The following EEPD1 variants were observed in gnomAD, a reference collection of about 807,000 sequenced individuals.
EEPD1 encodes endonuclease/exonuclease/phosphatase family domain-containing protein 1.
Under a neutral mutation model 46.3 loss-of-function variants are expected in EEPD1, and 17 were observed. The ratio of observed to expected loss-of-function variants is 0.37; its 90% CI spans 0.25 to 0.55. The LOEUF is 0.55. EEPD1 is among the 20% of genes least tolerant of loss of function. EEPD1 has a pLI of 0.83. For missense variants in EEPD1, 673 were observed against 745.6 expected (o/e 0.90, Z 1.13); for synonymous variants, 313 against 315.6 (o/e 0.99, Z 0.09).
intron 2 of EEPD1, among the ~76,000 whole-genome samples, chr7:36,220,592 T>C (rs1455077665): frequency 6.6e-6 from 1 of 152,204 alleles, no homozygotes; most frequent in Non-Finnish European, 1.5e-5. Context: ...GGCACTTTGC[T>C]CTTTCTATTC....
chr7:36,244,347 A>T (rs1786602762), intron 3 of EEPD1, among the ~76,000 whole-genome samples: 2 of 152,212 alleles, frequency 1.3e-5, no homozygotes, highest in Admixed American at 6.5e-5. Flanking sequence ...TTAAATTTGA[A>T]CAATAAAAGA....
chr7:36,217,322 T>C (rs1157407388), intron 2 of EEPD1, among the ~76,000 whole-genome samples: 2 of 152,252 alleles, frequency 1.3e-5, no homozygotes, highest in East Asian at 1.9e-4. Flanking sequence ...TCCTATAAAC[T>C]GTCACTTACA....
intron 2 of EEPD1, among the ~76,000 whole-genome samples, chr7:36,160,529 C>T (rs918507516): frequency 8.7e-5 from 11 of 125,862 alleles, no homozygotes; most frequent in Admixed American, 3.3e-4. Context: ...TCTAGAGTGG[C>T]GGGTGGGTGG....
rs199764578 is a variant in EEPD1, at chr7:36,284,825, C to G, written c.1176+5C>G. 125 of 1,484,614 alleles carry G rather than the reference C, an allele frequency of 8.4e-5. No individual in the cohort carries two copies. In the East Asian group the frequency reaches 3.2e-3, roughly 37 times the overall value. The allele number at this position is 1,484,614 out of a possible 1,614,324, so 92.0% of individuals were successfully genotyped here. On this transcript the variant is annotated splice_donor_5th_base_variant and intron_variant, in intron 5 of 7. Coordinates refer to ENST00000242108, the MANE Select transcript of EEPD1 (RefSeq NM_030636.3). ...CCATACCTCGGGAGGTTCAAGGTACCCGCTCCACGCCGTCTGTGACGTGGA... is the reference window on the plus strand; with the variant it reads ...CCATACCTCGGGAGGTTCAAGGTACGCGCTCCACGCCGTCTGTGACGTGGA...
chr7:36,222,071 G>C (rs1257615024), intron 2 of EEPD1, among the ~76,000 whole-genome samples: 2 of 151,588 alleles, frequency 1.3e-5, no homozygotes, highest in South Asian at 2.1e-4. Flanking sequence ...AACAACATGG[G>C]GGTTAGGGGA....
In EEPD1 at chr7:36,282,761, G is replaced by A. The variant is rs552869524; in HGVS notation, c.1041+1536G>A. Among the ~76,000 whole-genome samples the A allele has an allele frequency of 2.6e-5, 4 of 152,380 alleles. No individual in the cohort carries two copies. The South Asian group carries it at 6.2e-4, about 24-fold the overall frequency. ...AGGCTGGCCGCCTGCAGTGGACTGA[G>A]AGAGCTCATGCCTGGCTCTGGCTGC... On this transcript the variant is annotated intron_variant, in intron 4 of 7. Transcript: ENST00000242108.
At chr7:36,166,443 A>G (rs1371400053) in intron 2 of EEPD1, among the ~76,000 whole-genome samples, 1 of 152,222 alleles carries the variant, frequency 6.6e-6, no homozygotes, top group Non-Finnish European at 1.5e-5. Flanking sequence ...TCAGGAGGCC[A>G]GGAGAAGTGG....
chr7:36,188,319 A>C (rs1346271575), intron 2 of EEPD1, among the ~76,000 whole-genome samples: 1 of 152,158 alleles, frequency 6.6e-6, no homozygotes, highest in Non-Finnish European at 1.5e-5. Context: ...TTGATGATGA[A>C]GCCAGAAATG....
At chr7:36,170,589 T>C (rs1276481902) in intron 2 of EEPD1, among the ~76,000 whole-genome samples, 3 of 146,710 alleles carry the variant, frequency 2.0e-5, no homozygotes, top group Admixed American at 1.4e-4. Context: ...TTTTCAGAGC[T>C]CCCCTCAAGA....
intron 2 of EEPD1, among the ~76,000 whole-genome samples, chr7:36,209,314 C>CA (rs1305269338): frequency 6.6e-6 from 1 of 152,124 alleles, no homozygotes; most frequent in South Asian, 2.1e-4. Context: ...AAAACAAAAA[C>CA]AAAAAAAGTA....
Position 36,199,193 on chromosome 7 carries a change from CAG to C in EEPD1, c.879-39789_879-39788del, listed in dbSNP as rs1310533815. On this transcript the variant is annotated intron_variant, in intron 2 of 7. Coordinates refer to ENST00000242108, the MANE Select transcript of EEPD1 (RefSeq NM_030636.3). ...TCTTGCCACCGCAGAATACCCAGCACAGAGTGACTCAGACCCATCTATTTATC... is the reference window on the plus strand; with the variant it reads ...TCTTGCCACCGCAGAATACCCAGCACAGTGACTCAGACCCATCTATTTATC... Among the ~76,000 whole-genome samples, 6 of 152,236 alleles carry C rather than the reference CAG, an allele frequency of 3.9e-5. No individual in the cohort carries two copies. The South Asian group carries it at 6.2e-4, about 16-fold the overall frequency.
chr7:36,240,901 A>G (rs1446987010), intron 3 of EEPD1, among the ~76,000 whole-genome samples: 1 of 152,222 alleles, frequency 6.6e-6, no homozygotes, highest in Non-Finnish European at 1.5e-5. Flanking sequence ...GTTCTTAGGA[A>G]TTAACACAGG....
chr7:36,282,716 C>T (rs775129226), intron 4 of EEPD1, among the ~76,000 whole-genome samples: 20 of 152,214 alleles, frequency 1.3e-4, no homozygotes, highest in Non-Finnish European at 2.6e-4. Flanking sequence ...CAGGGCCAGG[C>T]GGAACGGGCA....
chr7:36,252,076 AT>A, intron 3 of EEPD1, among the ~76,000 whole-genome samples: 1 of 152,170 alleles, frequency 6.6e-6, no homozygotes, highest in Non-Finnish European at 1.5e-5. Flanking sequence ...TGGTTGTTTA[AT>A]TAATTTTTCT....
chr7:36,278,834 G>T (rs1787218734), intron 3 of EEPD1, among the ~76,000 whole-genome samples: 1 of 152,156 alleles, frequency 6.6e-6, no homozygotes, highest in Admixed American at 6.5e-5. Context: ...CTGGCCAGGG[G>T]GACTTATCCA....
In EEPD1 at chr7:36,193,689, G is replaced by C. The variant is rs1022318334; in HGVS notation, c.878+38487G>C. Among the ~76,000 whole-genome samples the C allele has an allele frequency of 6.6e-6, 1 of 152,184 alleles. No individual in the cohort carries two copies. The highest frequency in any genetic ancestry group is 2.4e-5 in the African/African-American group (1 of 41,444). ...ATTGTTTGGCCTTCAGTGAGGGGCA[G>C]TCTTGATCAAGAAAATGTTCCTAGG... On this transcript the variant is annotated intron_variant, in intron 2 of 7. Coordinates refer to ENST00000242108, the MANE Select transcript of EEPD1 (RefSeq NM_030636.3). This position sits in a 1 kb window ranked among gnomAD's most constrained non-coding sequence, Gnocchi z 4.9.
chr7:36,196,980 C>T (rs543957814), intron 2 of EEPD1, among the ~76,000 whole-genome samples: 5,696 of 150,568 alleles, frequency 0.038, 355 homozygotes, highest in African/African-American at 0.13. Context: ...CGTCTCTGCC[C>T]GGCCCCCCAT....
intron 2 of EEPD1, among the ~76,000 whole-genome samples, chr7:36,215,197 C>T (rs551601578): frequency 6.6e-6 from 1 of 152,298 alleles, no homozygotes; most frequent in East Asian, 1.9e-4. Context: ...ACGAGCCGAG[C>T]CCACCCGCTG....
At chr7:36,272,506 G>GTTGT (rs760638364) in intron 3 of EEPD1, among the ~76,000 whole-genome samples, 4,293 of 130,430 alleles carry the variant, frequency 0.033, 106 homozygotes, top group Non-Finnish European at 0.041. Context: ...TTTTGTTGTT[G>GTTGT]TTTTTTTTTT....
Sources: allele counts gnomAD v4.1 joint callset (sites outside exome capture counted in the v4.1 genomes callset), GRCh38; gene constraint gnomAD v4.1.1; non-coding constraint Gnocchi (gnomAD v3.1); transcripts MANE v1.5; gene names NCBI Gene and HGNC (gene_info 2026-07-23, HGNC 2026-07-21).